Variants in AGBL4 observed in about 807,000 individuals in gnomAD.
The protein encoded by AGBL4 is AGBL carboxypeptidase 4.
A neutral mutation model predicts 66.4 loss-of-function variants in AGBL4; 58 were observed. The ratio of observed to expected loss-of-function variants is 0.87; its 90% CI spans 0.71 to 1.09. The LOEUF is 1.09. Among genes scored for constraint, AGBL4 ranks in the 50% least tolerant of loss-of-function variants. AGBL4 has a pLI of 0.00. For synonymous variants in AGBL4, 234 were observed against 222.9 expected (o/e 1.05, Z -0.44); for missense variants, 579 against 631.0 (o/e 0.92, Z 0.88).
At chr1:49,406,516 A>T (rs1645201959) in intron 3 of AGBL4, among the ~76,000 whole-genome samples, 1 of 152,188 alleles carries the variant, frequency 6.6e-6, no homozygotes, top group East Asian at 1.9e-4. Flanking sequence ...GGGTACATAA[A>T]ATCCTATATA....
intron 2 of AGBL4, among the ~76,000 whole-genome samples, chr1:49,776,048 G>C (rs1346800546): frequency 6.6e-6 from 1 of 152,040 alleles, no homozygotes; most frequent in African/African-American, 2.4e-5. Context: ...AGAGTAAATT[G>C]AGAGAAATAG....
At chr1:48,841,448 A>G (rs1051151099) in intron 6 of AGBL4, among the ~76,000 whole-genome samples, 3 of 141,676 alleles carry the variant, frequency 2.1e-5, no homozygotes, top group African/African-American at 7.9e-5. Flanking sequence ...CAGGTTGTAG[A>G]CAGTGTGGAA....
intron 5 of AGBL4, among the ~76,000 whole-genome samples, chr1:48,913,315 G>C (rs1653303682): frequency 6.6e-6 from 1 of 152,166 alleles, no homozygotes; most frequent in Non-Finnish European, 1.5e-5. Flanking sequence ...TGTTGAGGAT[G>C]GGGGAGTGAG....
intron 8 of AGBL4, among the ~76,000 whole-genome samples, chr1:48,652,740 G>T (rs111275840): frequency 1.9e-4 from 29 of 152,246 alleles, no homozygotes; most frequent in Admixed American, 7.2e-4. Flanking sequence ...CTGGGCAGTG[G>T]AATTTTAGGC....
chr1:48,929,838 TAATC>T (rs1654894290), intron 5 of AGBL4, among the ~76,000 whole-genome samples: 1 of 152,188 alleles, frequency 6.6e-6, no homozygotes, highest in Non-Finnish European at 1.5e-5. Flanking sequence ...TCAAACCTGA[TAATC>T]AATACCACTT....
intron 3 of AGBL4, among the ~76,000 whole-genome samples, chr1:49,489,336 G>C (rs919313623): frequency 1.4e-4 from 22 of 151,872 alleles, no homozygotes; most frequent in Admixed American, 1.4e-3. Flanking sequence ...TTTCTTTTGA[G>C]AGATGCCTAT....
intron 3 of AGBL4, among the ~76,000 whole-genome samples, chr1:49,428,733 A>C (rs1570693830): frequency 6.6e-6 from 1 of 152,328 alleles, no homozygotes; most frequent in East Asian, 1.9e-4. Context: ...AGCAAAACCT[A>C]CGGTGCCCCA....
chr1:48,813,841 C>CT (rs767698264), intron 6 of AGBL4, among the ~76,000 whole-genome samples: 404 of 140,512 alleles, frequency 2.9e-3, no homozygotes, highest in Middle Eastern at 0.011. Context: ...TTTTGGGTAG[C>CT]TTTTTTTTTT....
chr1:49,448,960 T>A (rs1240510285), intron 3 of AGBL4, among the ~76,000 whole-genome samples: 1 of 151,844 alleles, frequency 6.6e-6, no homozygotes, highest in Non-Finnish European at 1.5e-5. Context: ...CAAGTATATA[T>A]GAAACTGATA....
At chr1:48,819,221 A>G (rs148310758) in intron 6 of AGBL4, among the ~76,000 whole-genome samples, 10 of 152,306 alleles carry the variant, frequency 6.6e-5, no homozygotes, top group African/African-American at 2.4e-4. Context: ...GAAAAATAAA[A>G]CAGGACAAAA....
rs764814661 is a variant in AGBL4 at position 49,675,181 on chromosome 1, T to C, written c.282+22132A>G. 3.2e-4 allele frequency among the ~76,000 whole-genome samples: 49 copies of C among 151,976 alleles called. 1 individual carries two copies. Among genetic ancestry groups the C allele is most frequent in the Non-Finnish European group, 5.0e-4 (34 of 67,966 alleles). ...GGATAAGACACTGTCATGCAGGCCATCCCTAGAAGGGTGTGGGCTGGAACC... is the reference window on the plus strand; with the variant it reads ...GGATAAGACACTGTCATGCAGGCCACCCCTAGAAGGGTGTGGGCTGGAACC... On this transcript the variant is annotated intron_variant, in intron 3 of 13. Transcript: ENST00000371839.
intron 2 of AGBL4, among the ~76,000 whole-genome samples, chr1:49,738,720 G>A (rs571642228): frequency 8.5e-5 from 13 of 152,184 alleles, no homozygotes; most frequent in African/African-American, 2.4e-4. Flanking sequence ...CCAGAGGAAC[G>A]ATCAGGCAGC....
intron 3 of AGBL4, among the ~76,000 whole-genome samples, chr1:49,693,855 AT>A (rs1442335400): frequency 6.6e-6 from 1 of 152,178 alleles, no homozygotes; most frequent in Admixed American, 6.5e-5. Flanking sequence ...GCATTAATAC[AT>A]TTCCACTAAG....
chr1:49,609,857 T>C (rs1475583514), intron 3 of AGBL4, among the ~76,000 whole-genome samples: 1 of 152,202 alleles, frequency 6.6e-6, no homozygotes, highest in Non-Finnish European at 1.5e-5. Context: ...AGAAATAATA[T>C]ATTCTTCCTT....
intron 1 of AGBL4, among the ~76,000 whole-genome samples, chr1:49,920,315 G>C (rs78256952): frequency 8.7e-4 from 133 of 152,104 alleles, no homozygotes; most frequent in African/African-American, 3.1e-3. Flanking sequence ...CTACAGAATG[G>C]GAGAAAATTT....
intron 3 of AGBL4, among the ~76,000 whole-genome samples, chr1:49,488,816 G>C (rs2148739089): frequency 6.6e-6 from 1 of 151,486 alleles, no homozygotes; most frequent in South Asian, 2.1e-4. Flanking sequence ...TTCTGTGTTT[G>C]GCTTATTTCA....
At chr1:49,152,658 A>G (rs1347307886) in intron 4 of AGBL4, among the ~76,000 whole-genome samples, 1 of 152,198 alleles carries the variant, frequency 6.6e-6, no homozygotes, top group Non-Finnish European at 1.5e-5. Flanking sequence ...TCACCAAATT[A>G]ATGCAGTTTT....
intron 3 of AGBL4, among the ~76,000 whole-genome samples, chr1:49,493,894 G>A (rs533137426): frequency 1.4e-4 from 21 of 152,066 alleles, no homozygotes; most frequent in Admixed American, 1.1e-3. Context: ...TCCAAGGAAA[G>A]GGGTTTGTAT....
intron 3 of AGBL4, among the ~76,000 whole-genome samples, chr1:49,278,920 C>T (rs932110544): frequency 2.6e-5 from 4 of 152,142 alleles, no homozygotes; most frequent in Admixed American, 2.0e-4. Context: ...TTAGCTGAGA[C>T]ATTTTTCATC....
Sources: gnomAD v4.1 joint callset for allele counts (sites outside exome capture counted in the v4.1 genomes callset) on GRCh38, gnomAD v4.1.1 for gene constraint, MANE v1.5 for transcripts, NCBI Gene and HGNC (gene_info 2026-07-23, HGNC 2026-07-21) for gene names.